KDM2A: variants seen among roughly 807,000 people sequenced by gnomAD.
KDM2A encodes lysine-specific demethylase 2A.
Under a neutral mutation model 137.3 loss-of-function variants are expected in KDM2A, and 3 were observed. That is an observed-to-expected ratio of 0.02 (90% CI 0.01 to 0.06). The LOEUF (loss-of-function observed/expected upper bound fraction) is 0.06, where lower values mean the gene tolerates loss of function less well. KDM2A is among the 10% of genes least tolerant of loss of function. KDM2A has a pLI of 1.00. For synonymous variants in KDM2A, 512 were observed against 541.5 expected, an observed-to-expected ratio of 0.95 and a Z score of 0.76; for missense variants, 738 against 1,510.6, an observed-to-expected ratio of 0.49 and a Z score of 8.48.
chr11:67,137,360 C>T (rs947481381), intron 2 of KDM2A, among the ~76,000 whole-genome samples: 35 of 151,904 alleles, frequency 2.3e-4, no homozygotes, highest in African/African-American at 8.5e-4. Flanking sequence ...AGGGAGAGGG[C>T]AAGAATAGAT....
chr11:67,254,896 G>C lies in KDM2A; in HGVS notation c.3330G>C (p.Gln1110His), dbSNP rs373596411. Reference sequence around the variant, plus strand: ...CAGGTTGCAATAAATTGACAGACCAGACCCTGATCTACCTACGGCGCATTG... The same window carrying C: ...CAGGTTGCAATAAATTGACAGACCACACCCTGATCTACCTACGGCGCATTG... ...NMAGCNKLTDQTLIYLRRIAN... is the reference protein window; with the variant it reads ...NMAGCNKLTDHTLIYLRRIAN... The change falls in exon 21 of 21, where the codon CAG (glutamine) becomes CAC (histidine). Residue 1110 changes from glutamine (Q) to histidine (H), a missense_variant. By Grantham distance (24) the Gln-to-His change is conservative (BLOSUM62 0). Transcript: ENST00000529006. The surrounding 1 kb of genome is among the most constrained non-coding windows in gnomAD (Gnocchi z 4.7). 2.5e-5 allele frequency: 40 copies of C among 1,613,862 alleles called. No individual in the cohort carries two copies. The highest frequency in any genetic ancestry group is 3.1e-5 in the Non-Finnish European group (37 of 1,179,894).
chr11:67,250,025 C>T lies in KDM2A; in HGVS notation c.2056-61C>T, dbSNP rs559896452. 10 of 1,375,100 alleles carry T rather than the reference C, an allele frequency of 7.3e-6. No individual in the cohort carries two copies. The highest frequency in any genetic ancestry group is 2.9e-5 in the African/African-American group (2 of 69,448). 85.2% of individuals were successfully genotyped at this position (1,375,100 alleles called of 1,614,324 possible). A position where few individuals can be genotyped will look rare whatever the true frequency, so the allele number is the denominator to read the frequency against. On this transcript the variant is annotated intron_variant, in intron 16 of 20. Transcript: ENST00000529006. The surrounding 1 kb of genome is among the most constrained non-coding windows in gnomAD (Gnocchi z 7.1). ...TGAGAGCAAGGGAGGTCCACCCTGT[C>T]GGTTCAGAGGGTTTGGAAGAAAGGA...
intron 6 of KDM2A, among the ~76,000 whole-genome samples, chr11:67,212,051 C>T (rs1173182475): frequency 6.6e-6 from 1 of 152,116 alleles, no homozygotes; most frequent in Non-Finnish European, 1.5e-5. Context: ...GTCCCAGCTA[C>T]CTGGGAGGCT....
chr11:67,239,328 C>T (rs1858957661), intron 12 of KDM2A, among the ~76,000 whole-genome samples: 1 of 152,062 alleles, frequency 6.6e-6, no homozygotes, highest in Non-Finnish European at 1.5e-5. Flanking sequence ...AGGATTGCTG[C>T]GCAGACATTT....
In KDM2A at chr11:67,141,354, G is replaced by A. The variant is rs576280287; in HGVS notation, c.42+19996G>A. On this transcript the variant is annotated intron_variant, in intron 2 of 20. Transcript: ENST00000529006. Reference sequence around the variant, plus strand: ...GGAACATTTCAGGTCCTCCTCTCAAGCTATTTTGAAATATACAATTCATTG... The same window carrying A: ...GGAACATTTCAGGTCCTCCTCTCAAACTATTTTGAAATATACAATTCATTG... Among the ~76,000 whole-genome samples, 3 of 152,018 alleles carry A rather than the reference G, an allele frequency of 2.0e-5. No individual in the cohort carries two copies. In the East Asian group the frequency reaches 5.8e-4, roughly 29 times the overall value.
intron 2 of KDM2A, among the ~76,000 whole-genome samples, chr11:67,133,546 G>A (rs1468136807): frequency 6.6e-6 from 1 of 151,976 alleles, no homozygotes; most frequent in Admixed American, 6.6e-5. Flanking sequence ...TGGATTACAG[G>A]CTCCCACCAC....
intron 3 of KDM2A, 41 bp from the exon 4 acceptor site, chr11:67,181,279 A>G: frequency 7.4e-7 from 1 of 1,350,062 alleles, no homozygotes; most frequent in Non-Finnish European, 1.0e-6. Context: ...ATCGTTTTTA[A>G]TTATACCACT....
intron 10 of KDM2A, among the ~76,000 whole-genome samples, chr11:67,226,120 AG>A (rs1164469521): frequency 2.7e-5 from 4 of 149,856 alleles, no homozygotes; most frequent in African/African-American, 9.9e-5. Flanking sequence ...AGCCAGGTGT[AG>A]GGGCACACAC....
intron 2 of KDM2A, among the ~76,000 whole-genome samples, chr11:67,157,494 T>C (rs138770192): frequency 0.053 from 8,071 of 151,202 alleles, 295 homozygotes; most frequent in Non-Finnish European, 0.085. Context: ...CTTGTAATCC[T>C]AGCACTTTGG....
intron 11 of KDM2A, among the ~76,000 whole-genome samples, chr11:67,229,408 T>A (rs376855792): frequency 6.6e-6 from 1 of 152,202 alleles, no homozygotes; most frequent in East Asian, 1.9e-4. Flanking sequence ...CAGTGTAGTT[T>A]CAGTATACAT....
chr11:67,182,185 C>A (rs1223122213), intron 5 of KDM2A, among the ~76,000 whole-genome samples: 7 of 152,126 alleles, frequency 4.6e-5, no homozygotes, highest in South Asian at 2.1e-4. Flanking sequence ...AAACTTACAT[C>A]TCTTAGCCAA....
intron 5 of KDM2A, among the ~76,000 whole-genome samples, chr11:67,203,925 T>G (rs115692739): frequency 0.017 from 2,621 of 151,910 alleles, 81 homozygotes; most frequent in African/African-American, 0.06. Flanking sequence ...CTCAGCCTCC[T>G]AAGTAGCTGG....
intron 12 of KDM2A, among the ~76,000 whole-genome samples, chr11:67,239,539 G>C (rs972141642): frequency 1.3e-5 from 2 of 152,220 alleles, no homozygotes; most frequent in African/African-American, 4.8e-5. Flanking sequence ...GAAGCAGGCA[G>C]TGTGCCGGAG....
intron 2 of KDM2A, among the ~76,000 whole-genome samples, chr11:67,155,082 T>C (rs539728563): frequency 1.3e-5 from 2 of 152,322 alleles, no homozygotes; most frequent in Admixed American, 6.5e-5. Context: ...TGGTGCCATC[T>C]TGGCTCACTG....
intron 2 of KDM2A, among the ~76,000 whole-genome samples, chr11:67,142,832 G>A (rs1856144344): frequency 6.6e-6 from 1 of 151,796 alleles, no homozygotes; most frequent in Non-Finnish European, 1.5e-5. Context: ...AACTTACTAT[G>A]GAAAGATTAT....
chr11:67,140,055 TGA>T (rs1856062054), intron 2 of KDM2A, among the ~76,000 whole-genome samples: 1 of 151,942 alleles, frequency 6.6e-6, no homozygotes, highest in Admixed American at 6.6e-5. Flanking sequence ...TGCCACCAAT[TGA>T]GAGAGAATAC....
chr11:67,248,108 A>G (rs1184743453), intron 15 of KDM2A, among the ~76,000 whole-genome samples, 173 bp from the exon 16 acceptor site: 2 of 152,246 alleles, frequency 1.3e-5, no homozygotes, highest in South Asian at 4.1e-4. Context: ...CCTGTGCCGC[A>G]CTGTCAAGAT....
chr11:67,248,430 T>A, intron 16 of KDM2A, 60 bp downstream of exon 16: 4 of 1,180,182 alleles, frequency 3.4e-6, no homozygotes, highest in African/African-American at 1.5e-5. Context: ...TGTGGGGGAT[T>A]GCTACACGTT....
At chr11:67,182,218 G>A (rs932086241) in intron 5 of KDM2A, among the ~76,000 whole-genome samples, 2 of 152,176 alleles carry the variant, frequency 1.3e-5, no homozygotes, top group Admixed American at 6.5e-5. Context: ...ATTAATATCC[G>A]TGATTCCCTT....
Sources: allele counts gnomAD v4.1 joint callset (sites outside exome capture counted in the v4.1 genomes callset), GRCh38; gene constraint gnomAD v4.1.1; non-coding constraint Gnocchi (gnomAD v3.1); transcripts MANE v1.5; gene names NCBI Gene and HGNC (gene_info 2026-07-23, HGNC 2026-07-21).